LANCL1: variants seen among roughly 807,000 people sequenced by gnomAD.
The protein encoded by LANCL1 is LanC like glutathione S-transferase 1, also known as glutathione S-transferase LANCL1.
In LANCL1, 50 loss-of-function variants were observed where a neutral mutation model predicts 50.6. That is an observed-to-expected ratio of 0.99 (90% CI 0.79 to 1.25). LANCL1 has a LOEUF of 1.25. Among genes scored for constraint, LANCL1 ranks in the 50% most tolerant of loss-of-function variants. The pLI, the probability that LANCL1 is intolerant of heterozygous loss-of-function variation, is 0.00. For missense variants in LANCL1, 532 were observed against 480.7 expected, an observed-to-expected ratio of 1.11 and a Z score of -1.00; for synonymous variants, 188 against 178.6, an observed-to-expected ratio of 1.05 and a Z score of -0.42.
chr2:210,439,371 T>C (rs1402995314), intron 6 of LANCL1, among the ~76,000 whole-genome samples: 1 of 152,204 alleles, frequency 6.6e-6, no homozygotes, highest in Non-Finnish European at 1.5e-5. Context: ...ACTAACCAAC[T>C]ATGTCTCCTG....
At chr2:210,476,551 G>T in intron 1 of LANCL1, 69 bp downstream of exon 1, 2 of 1,398,470 alleles carry the variant, frequency 1.4e-6, no homozygotes, top group Non-Finnish European at 1.9e-6. Context: ...AGTGGACCTC[G>T]GGCCCACTGC....
At chr2:210,434,650 A>C in intron 9 of LANCL1, 87 bp from the exon 10 acceptor site, 1 of 1,063,478 alleles carries the variant, frequency 9.4e-7, no homozygotes, top group Non-Finnish European at 1.4e-6. Flanking sequence ...CTTTATTGAC[A>C]AAAAAAGTCA....
At chr2:210,440,468 T>C (rs1693092299) in intron 6 of LANCL1, 130 bp downstream of exon 6, 1 of 840,268 alleles carries the variant, frequency 1.2e-6, no homozygotes, top group Admixed American at 3.3e-5. Flanking sequence ...GGACAAGTAA[T>C]TACAAGGAGA....
At chr2:210,469,980 T>TG (rs1050683221) in intron 3 of LANCL1, among the ~76,000 whole-genome samples, 2 of 151,286 alleles carry the variant, frequency 1.3e-5, no homozygotes, top group African/African-American at 4.9e-5. Flanking sequence ...TTTTTTTTTT[T>TG]GGCAAGGAAT....
chr2:210,434,476 A>G lies in LANCL1; in HGVS notation c.*11T>C. The G allele has an allele frequency of 6.2e-7, 1 of 1,609,726 alleles. No individual in the cohort carries two copies. Among genetic ancestry groups the G allele is most frequent in the Non-Finnish European group, 8.5e-7 (1 of 1,176,532 alleles). On this transcript the variant is annotated 3_prime_UTR_variant, in exon 10 of 10. Coordinates refer to ENST00000450366, the MANE Select transcript of LANCL1 (RefSeq NM_006055.3). ...GGTCATGCAGTGAGTTGCAGGTGGCATGCTATCCTTTCAGAGTTCAAATGC... is the reference window on the plus strand; with the variant it reads ...GGTCATGCAGTGAGTTGCAGGTGGCGTGCTATCCTTTCAGAGTTCAAATGC...
Position 210,434,509 on chromosome 2 carries a change from C to G in LANCL1, c.1178G>C (p.Arg393Thr), listed in dbSNP as rs1464466196. Residue 393 changes from arginine (R) to threonine (T), a missense_variant, in exon 10 of 10, where the codon AGG becomes ACG. Coordinates refer to ENST00000450366, the MANE Select transcript of LANCL1 (RefSeq NM_006055.3). Reference sequence around the variant, plus strand: ...CTTTCAGAGTTCAAATGCAGGGAACCTGGCTTTTGTGGGGACTAGCAGGTC... The same window carrying G: ...CTTTCAGAGTTCAAATGCAGGGAACGTGGCTTTTGTGGGGACTAGCAGGTC... The part of the protein sequence containing the change: ...LADLLVPTKA[R>T]FPAFEL The G allele has an allele frequency of 3.1e-6, 5 of 1,613,096 alleles. No homozygotes were observed. The highest frequency in any genetic ancestry group is 1.1e-5 in the South Asian group (1 of 90,798).
chr2:210,464,972 CAA>C (rs751226712), intron 3 of LANCL1, among the ~76,000 whole-genome samples: 3 of 31,868 alleles, frequency 9.4e-5, no homozygotes, highest in Non-Finnish European at 2.0e-4. Context: ...GACTCCGTCT[CAA>C]AAAAAAAAAA....
intron 4 of LANCL1, among the ~76,000 whole-genome samples, chr2:210,444,690 A>G (rs1246677268): frequency 6.6e-6 from 1 of 152,208 alleles, no homozygotes; most frequent in Non-Finnish European, 1.5e-5. Flanking sequence ...TTATCTTAGG[A>G]AGAGATATAC....
At chr2:210,469,775 A>C (rs561281300) in intron 3 of LANCL1, among the ~76,000 whole-genome samples, 9 of 152,306 alleles carry the variant, frequency 5.9e-5, no homozygotes, top group African/African-American at 2.2e-4. Flanking sequence ...TTGGGTTCTC[A>C]ACTAGCCCTA....
At chr2:210,466,892 A>G (rs1208252682) in intron 3 of LANCL1, among the ~76,000 whole-genome samples, 4 of 152,294 alleles carry the variant, frequency 2.6e-5, no homozygotes, top group Non-Finnish European at 5.9e-5. Context: ...GATAGTGTGC[A>G]TGACTTCACA....
intron 3 of LANCL1, among the ~76,000 whole-genome samples, chr2:210,463,206 GTTTA>G (rs946715930): frequency 2.6e-5 from 4 of 151,922 alleles, no homozygotes; most frequent in Non-Finnish European, 4.4e-5. Flanking sequence ...GGCCATAAAG[GTTTA>G]TTTATTTATT....
At chr2:210,454,249 C>G (rs967605354) in intron 4 of LANCL1, among the ~76,000 whole-genome samples, 7 of 102,302 alleles carry the variant, frequency 6.8e-5, no homozygotes, top group African/African-American at 2.3e-4. Context: ...CACACACACA[C>G]ACACACACAC....
intron 2 of LANCL1, among the ~76,000 whole-genome samples, chr2:210,472,523 A>T (rs908389726): frequency 7.2e-5 from 11 of 152,086 alleles, no homozygotes; most frequent in Non-Finnish European, 1.5e-4. Context: ...AAAAGGATTT[A>T]AAAAAAATGA....
intron 4 of LANCL1, among the ~76,000 whole-genome samples, chr2:210,447,755 A>C (rs1693387048): frequency 6.6e-6 from 1 of 152,206 alleles, no homozygotes; most frequent in African/African-American, 2.4e-5. Flanking sequence ...AAAAGAGACA[A>C]AGAAGGCCAT....
At chr2:210,472,662 A>G (rs1694257934) in intron 2 of LANCL1, among the ~76,000 whole-genome samples, 1 of 152,198 alleles carries the variant, frequency 6.6e-6, no homozygotes. Context: ...GGCTTCACAA[A>G]TGTTTCTCAA....
At chr2:210,461,574 G>C (rs1419481471) in intron 3 of LANCL1, among the ~76,000 whole-genome samples, 1 of 152,264 alleles carries the variant, frequency 6.6e-6, no homozygotes, top group Non-Finnish European at 1.5e-5. Flanking sequence ...CTTGCATTTA[G>C]AGTGCAAGTT....
At chr2:210,448,135 TG>T (rs1206370536) in intron 4 of LANCL1, among the ~76,000 whole-genome samples, 1 of 151,814 alleles carries the variant, frequency 6.6e-6, no homozygotes, top group Non-Finnish European at 1.5e-5. Context: ...TGGAAAAGAA[TG>T]GAAATCCTAA....
intron 4 of LANCL1, among the ~76,000 whole-genome samples, chr2:210,454,493 C>T (rs1011651116): frequency 1.3e-5 from 2 of 152,158 alleles, no homozygotes; most frequent in African/African-American, 2.4e-5. Context: ...CTGGTTAAAA[C>T]GTTGCTGGAG....
At chr2:210,438,179 G>A (rs1693004484) in intron 6 of LANCL1, among the ~76,000 whole-genome samples, 1 of 141,592 alleles carries the variant, frequency 7.1e-6, no homozygotes. Context: ...TTGTCACCCA[G>A]GCTGAAGTGC....
Sources: allele counts gnomAD v4.1 joint callset (sites outside exome capture counted in the v4.1 genomes callset), GRCh38; gene constraint gnomAD v4.1.1; transcripts MANE v1.5; gene names NCBI Gene and HGNC (gene_info 2026-07-23, HGNC 2026-07-21).